Variants in DOCK1 observed in about 807,000 individuals in gnomAD.
DOCK1 encodes dedicator of cytokinesis 1.
A neutral mutation model predicts 262.7 loss-of-function variants in DOCK1; 138 were observed. The observed-to-expected ratio is 0.53, with a 90% CI of 0.46 to 0.61. DOCK1 has a LOEUF of 0.61. DOCK1 is among the 20% of genes least tolerant of loss of function. DOCK1 has a pLI of 0.00. For synonymous variants in DOCK1, 866 were observed against 867.4 expected, an observed-to-expected ratio of 1.00 and a Z score of 0.03; for missense variants, 1,908 against 2,370.7, an observed-to-expected ratio of 0.80 and a Z score of 4.05.
chr10:126,961,147 A>G (rs2037185644), intron 1 of DOCK1, among the ~76,000 whole-genome samples: 1 of 152,124 alleles, frequency 6.6e-6, no homozygotes, highest in African/African-American at 2.4e-5. Flanking sequence ...AATTAGGTAG[A>G]TGACTCCTTG....
At chr10:127,035,590 G>T (rs1424600361) in intron 18 of DOCK1, among the ~76,000 whole-genome samples, 1 of 152,178 alleles carries the variant, frequency 6.6e-6, no homozygotes, top group Non-Finnish European at 1.5e-5. Flanking sequence ...AGGGGATCCA[G>T]ATTATTACTG....
Position 127,425,926 on chromosome 10 carries a change from C to G in DOCK1, c.4829C>G (p.Ala1610Gly). 2 of 1,614,018 alleles carry G rather than the reference C, an allele frequency of 1.2e-6. No homozygotes were observed. The highest frequency in any genetic ancestry group is 1.7e-6 in the Non-Finnish European group (2 of 1,179,896). ...ATCCATGGAGACAAAGTCACGGAGG[C>G]ACTGAGGCCGTTCCACGAGAGGATG... ...IRIHGDKVTE[A>G]LRPFHERMEA... The change falls in exon 47 of 52, where the codon GCA becomes GGA. Residue 1610 changes from alanine (A) to glycine (G), a missense_variant. By Grantham distance (60) the Ala-to-Gly change is moderately conservative. This residue lies in a region of DOCK1 where 383 missense variants were observed against 420.1 expected (regional missense o/e 0.91). Transcript: ENST00000623213.
At position 127,437,850 on chromosome 10, in the gene DOCK1, A is replaced by G. The variant is rs1482627208; in HGVS notation, c.5061-1177A>G. On this transcript the variant is annotated intron_variant, in intron 48 of 51. Coordinates refer to ENST00000623213, the MANE Select transcript of DOCK1 (RefSeq NM_001290223.2). The surrounding 1 kb of genome is among the most constrained non-coding windows in gnomAD (Gnocchi z 4.4). ...CCATTCAGAAATACATGTAAAAGAA[A>G]CTAGAGCTAGGATGAAAATATGACT... Among the ~76,000 whole-genome samples, 1 of 152,144 alleles carries G rather than the reference A, an allele frequency of 6.6e-6. No homozygotes were observed. The highest frequency in any genetic ancestry group is 2.4e-5 in the African/African-American group (1 of 41,434).
At chr10:127,369,978 C>T (rs1181137023) in intron 33 of DOCK1, among the ~76,000 whole-genome samples, 2 of 152,210 alleles carry the variant, frequency 1.3e-5, no homozygotes, top group Non-Finnish European at 2.9e-5. Context: ...CGGTGTCACA[C>T]TTCTCTCTGC....
At chr10:127,258,965 T>C (rs754937116) in intron 29 of DOCK1, among the ~76,000 whole-genome samples, 4 of 152,184 alleles carry the variant, frequency 2.6e-5, no homozygotes, top group Non-Finnish European at 5.9e-5. Context: ...TTTTCTGCTT[T>C]CTGGGGCAGC....
At chr10:127,280,228 GT>G (rs1222790296) in intron 29 of DOCK1, among the ~76,000 whole-genome samples, 1 of 151,402 alleles carries the variant, frequency 6.6e-6, no homozygotes, top group East Asian at 1.9e-4. Context: ...TAGAGACGGG[GT>G]TTCACCGTTT....
intron 21 of DOCK1, among the ~76,000 whole-genome samples, chr10:127,048,410 T>C (rs2044487015): frequency 1.3e-5 from 2 of 152,096 alleles, no homozygotes; most frequent in African/African-American, 4.8e-5. Flanking sequence ...CATAAATATA[T>C]GTATTTTTTT....
intron 33 of DOCK1, among the ~76,000 whole-genome samples, chr10:127,363,948 G>C (rs989505281): frequency 6.6e-6 from 1 of 152,214 alleles, no homozygotes; most frequent in Non-Finnish European, 1.5e-5. Flanking sequence ...GCATGAAATA[G>C]AATCTACCAG....
intron 29 of DOCK1, among the ~76,000 whole-genome samples, chr10:127,311,745 T>G (rs1215799427): frequency 6.6e-6 from 1 of 152,224 alleles, no homozygotes; most frequent in African/African-American, 2.4e-5. Context: ...CTACACCCTC[T>G]ATCTAACCCA....
chr10:127,267,843 T>TC, intron 29 of DOCK1, among the ~76,000 whole-genome samples: 1 of 152,316 alleles, frequency 6.6e-6, no homozygotes, highest in East Asian at 1.9e-4. Context: ...TACTGGGACT[T>TC]GGAAGAAGGT....
At chr10:127,238,384 G>C (rs535222641) in intron 27 of DOCK1, among the ~76,000 whole-genome samples, 1 of 152,084 alleles carries the variant, frequency 6.6e-6, no homozygotes, top group Non-Finnish European at 1.5e-5. Context: ...GAGTGTCTTC[G>C]TCCCCAAAGA....
chr10:127,415,348 A>G, intron 44 of DOCK1, 110 bp downstream of exon 44: 1 of 1,026,792 alleles, frequency 9.7e-7, no homozygotes, highest in Non-Finnish European at 1.5e-6. Flanking sequence ...GCGTGCACAC[A>G]GCAGACTCTA....
chr10:127,161,425 A>G (rs895404990), intron 27 of DOCK1, among the ~76,000 whole-genome samples: 14 of 152,190 alleles, frequency 9.2e-5, no homozygotes, highest in Non-Finnish European at 1.9e-4. Context: ...GCCAGCATCC[A>G]ACTTGCTGAA....
At chr10:127,062,920 G>A (rs908714078) in intron 23 of DOCK1, among the ~76,000 whole-genome samples, 1 of 152,100 alleles carries the variant, frequency 6.6e-6, no homozygotes, top group African/African-American at 2.4e-5. Context: ...GTCTCACCCT[G>A]TTGTCCTTTG....
chr10:127,144,823 A>G (rs886109460), intron 27 of DOCK1, among the ~76,000 whole-genome samples: 7 of 152,198 alleles, frequency 4.6e-5, no homozygotes, highest in African/African-American at 1.7e-4. Flanking sequence ...GCATTAATCA[A>G]TGTTTATGGT....
chr10:127,086,310 C>G (rs1040240545), intron 23 of DOCK1, among the ~76,000 whole-genome samples: 3 of 152,014 alleles, frequency 2.0e-5, no homozygotes, highest in African/African-American at 7.3e-5. Context: ...CCACATTTCC[C>G]CCCAAATTAG....
intron 29 of DOCK1, among the ~76,000 whole-genome samples, chr10:127,266,326 C>T (rs1488010731): frequency 1.3e-5 from 2 of 152,080 alleles, no homozygotes; most frequent in African/African-American, 4.8e-5. Flanking sequence ...GTTGTGACTT[C>T]TCATTTAATT....
intron 6 of DOCK1, among the ~76,000 whole-genome samples, chr10:126,991,648 G>C (rs2039794706): frequency 6.6e-6 from 1 of 151,972 alleles, no homozygotes; most frequent in East Asian, 1.9e-4. Context: ...TCCTGCTTCA[G>C]CCTCCCGAAT....
intron 22 of DOCK1, among the ~76,000 whole-genome samples, chr10:127,061,254 A>G (rs1479285679): frequency 1.3e-5 from 2 of 152,196 alleles, no homozygotes; most frequent in African/African-American, 4.8e-5. Flanking sequence ...AAATAAAAAT[A>G]AAAACACTGG....
Sources: allele counts gnomAD v4.1 joint callset (sites outside exome capture counted in the v4.1 genomes callset), GRCh38; gene constraint gnomAD v4.1.1; regional missense constraint gnomAD v4.1.1; non-coding constraint Gnocchi (gnomAD v3.1); transcripts MANE v1.5; gene names NCBI Gene and HGNC (gene_info 2026-07-23, HGNC 2026-07-21).